Variants in COL25A1 observed in about 807,000 individuals in gnomAD.
COL25A1 encodes collagen alpha-1(XXV) chain.
A neutral mutation model predicts 128.4 loss-of-function variants in COL25A1; 103 were observed. The ratio of observed to expected loss-of-function variants is 0.80; its 90% confidence interval spans 0.68 to 0.94. The LOEUF (loss-of-function observed/expected upper bound fraction) is 0.94. COL25A1 is among the 40% of genes least tolerant of loss of function. The pLI, the probability that COL25A1 is intolerant of heterozygous loss-of-function variation, is 0.00. For missense variants in COL25A1, 745 were observed against 840.0 expected (o/e 0.89, Z 1.40); for synonymous variants, 279 against 277.2 (o/e 1.01, Z -0.06).
chr4:108,930,648 G>A (rs1473488085), intron 11 of COL25A1, among the ~76,000 whole-genome samples: 1 of 152,216 alleles, frequency 6.6e-6, no homozygotes, highest in Non-Finnish European at 1.5e-5. Context: ...AGGGAAGCAG[G>A]CCAAGGACAG....
At chr4:109,093,777 A>G (rs1202297175) in intron 3 of COL25A1, among the ~76,000 whole-genome samples, 2 of 152,206 alleles carry the variant, frequency 1.3e-5, no homozygotes, top group Non-Finnish European at 2.9e-5. Flanking sequence ...TGAAATTAAC[A>G]TTTTTAAAAG....
At chr4:109,147,702 G>A (rs1338467435) in intron 3 of COL25A1, among the ~76,000 whole-genome samples, 4 of 151,634 alleles carry the variant, frequency 2.6e-5, no homozygotes, top group Non-Finnish European at 4.4e-5. Flanking sequence ...CTGTAGTCCC[G>A]GCTACTCAGG....
At chr4:108,993,107 G>A (rs1360220038) in intron 6 of COL25A1, among the ~76,000 whole-genome samples, 1 of 152,114 alleles carries the variant, frequency 6.6e-6, no homozygotes, top group African/African-American at 2.4e-5. Context: ...TAGTCACCAT[G>A]TTGTACCATA....
intron 3 of COL25A1, among the ~76,000 whole-genome samples, chr4:109,256,152 CA>C (rs940665960): frequency 6.9e-5 from 10 of 145,768 alleles, no homozygotes; most frequent in Non-Finnish European, 1.3e-4. Context: ...GAGAGAAGAG[CA>C]AAAGAGTTTA....
chr4:109,024,572 A>T (rs1038061356), intron 5 of COL25A1, among the ~76,000 whole-genome samples: 2 of 152,110 alleles, frequency 1.3e-5, no homozygotes, highest in African/African-American at 4.8e-5. Context: ...TACGGATGAT[A>T]GGATTATAAG....
At chr4:109,024,404 A>G (rs1002835303) in intron 5 of COL25A1, among the ~76,000 whole-genome samples, 8 of 152,028 alleles carry the variant, frequency 5.3e-5, no homozygotes, top group African/African-American at 1.9e-4. Flanking sequence ...TACAAAATAC[A>G]GATTATATAT....
chr4:109,174,142 T>C (rs1046846389), intron 3 of COL25A1, among the ~76,000 whole-genome samples: 29 of 152,214 alleles, frequency 1.9e-4, no homozygotes, highest in African/African-American at 6.8e-4. Flanking sequence ...AGTAAAAATT[T>C]ATCACCTTCA....
chr4:109,014,406 A>G (rs77340395), intron 5 of COL25A1, among the ~76,000 whole-genome samples: 1,603 of 140,218 alleles, frequency 0.011, 31 homozygotes, highest in African/African-American at 0.044. Flanking sequence ...ATTCTCTAAA[A>G]TCAGGAAGAA....
At chr4:108,814,627 A>G (rs967709386) in intron 37 of COL25A1, among the ~76,000 whole-genome samples, 4 of 152,230 alleles carry the variant, frequency 2.6e-5, no homozygotes, top group African/African-American at 9.6e-5. Context: ...TTTTCTTAGA[A>G]CTGCATTAAG....
At chr4:109,070,843 C>T (rs796165824) in intron 3 of COL25A1, among the ~76,000 whole-genome samples, 2 of 152,038 alleles carry the variant, frequency 1.3e-5, no homozygotes, top group Non-Finnish European at 2.9e-5. Flanking sequence ...GCTTCATCCA[C>T]GTCCCAACAA....
chr4:109,297,867 T>C (rs971166212), intron 3 of COL25A1, among the ~76,000 whole-genome samples: 3 of 110,664 alleles, frequency 2.7e-5, no homozygotes, highest in South Asian at 5.3e-4. Flanking sequence ...CTTTTCTTTT[T>C]TTTTTTTTTT....
At chr4:109,035,989 G>A (rs1349484982) in intron 5 of COL25A1, among the ~76,000 whole-genome samples, 1 of 151,844 alleles carries the variant, frequency 6.6e-6, no homozygotes, top group African/African-American at 2.4e-5. Context: ...GTGCAGTGGC[G>A]TGATCTCGGC....
chr4:108,953,701 T>C (rs1483684363), intron 8 of COL25A1, among the ~76,000 whole-genome samples: 2 of 150,922 alleles, frequency 1.3e-5, no homozygotes, highest in Non-Finnish European at 2.9e-5. Context: ...AATGAAAGTC[T>C]TTTTTTAAGA....
At position 108,812,914 on chromosome 4, in the gene COL25A1, TC is replaced by T. The variant is rs1401295621; in HGVS notation, c.*1012del. On this transcript the variant is annotated 3_prime_UTR_variant, in exon 38 of 38. Coordinates refer to ENST00000399132, the MANE Select transcript of COL25A1 (RefSeq NM_198721.4). ...CATCCCTTTTCCCTCAGGGACAGGA[TC>T]TCCCATTCCAAGAATCTCCTATTCC... The T allele has an allele frequency of 9.9e-5, 15 of 152,164 alleles. No individual in the cohort carries two copies. The highest frequency in any genetic ancestry group is 1.9e-4 in the Non-Finnish European group (13 of 68,028). 9.4% of individuals were successfully genotyped at this position (152,164 alleles called of 1,614,324 possible). A position where few individuals can be genotyped will look rare whatever the true frequency, so the allele number is the denominator to read the frequency against.
intron 3 of COL25A1, among the ~76,000 whole-genome samples, chr4:109,202,152 C>T (rs188562449): frequency 1.3e-5 from 2 of 152,090 alleles, no homozygotes; most frequent in Admixed American, 1.3e-4. Context: ...GCCAAAGACC[C>T]AGAATAGTCA....
At chr4:109,114,875 GCTAT>G (rs1002716915) in intron 3 of COL25A1, among the ~76,000 whole-genome samples, 2 of 152,094 alleles carry the variant, frequency 1.3e-5, no homozygotes, top group African/African-American at 4.8e-5. Context: ...AGAAGGAGTG[GCTAT>G]CTATTTAAGG....
intron 8 of COL25A1, among the ~76,000 whole-genome samples, chr4:108,957,851 A>AAT (rs1415826158): frequency 6.6e-6 from 1 of 152,146 alleles, no homozygotes; most frequent in Non-Finnish European, 1.5e-5. Flanking sequence ...TCACTCTTTT[A>AAT]AAATAGGACA....
At chr4:108,905,555 T>A (rs986679796) in intron 13 of COL25A1, among the ~76,000 whole-genome samples, 40 of 150,456 alleles carry the variant, frequency 2.7e-4, no homozygotes, top group South Asian at 1.0e-3. Context: ...AATAATAATA[T>A]TACTTGTTTC....
intron 3 of COL25A1, among the ~76,000 whole-genome samples, chr4:109,068,064 G>C (rs915950736): frequency 1.3e-5 from 2 of 152,134 alleles, no homozygotes; most frequent in Non-Finnish European, 2.9e-5. Flanking sequence ...CATTGCTTTC[G>C]GTGGCTCCTC....
Sources: allele counts gnomAD v4.1 joint callset (sites outside exome capture counted in the v4.1 genomes callset), GRCh38; gene constraint gnomAD v4.1.1; transcripts MANE v1.5; gene names NCBI Gene and HGNC (gene_info 2026-07-23, HGNC 2026-07-21).